The following NUS1 variants were observed in gnomAD, a reference collection of about 807,000 sequenced individuals.
NUS1 encodes dehydrodolichyl diphosphate synthase complex subunit NUS1.
For missense variants in NUS1, 292 were observed against 382.9 expected, an observed-to-expected ratio of 0.76 and a Z score of 1.98; for synonymous variants, 135 against 155.2, an observed-to-expected ratio of 0.87 and a Z score of 0.97.
At chr6:117,703,542 CTG>C (rs146116464) in intron 3 of NUS1, 61 bp from the exon 4 acceptor site, 7,341 of 1,017,688 alleles carry the variant, frequency 7.2e-3, no homozygotes, top group Non-Finnish European at 8.0e-3. Context: ...CTGTGTGTTT[CTG>C]TGTGTGTGTG....
chr6:117,697,645 C>T (rs1773339662), intron 3 of NUS1, among the ~76,000 whole-genome samples: 1 of 151,374 alleles, frequency 6.6e-6, no homozygotes, highest in African/African-American at 2.4e-5. Flanking sequence ...ATTGGAGAAC[C>T]CAGATATATA....
intron 3 of NUS1, among the ~76,000 whole-genome samples, chr6:117,701,248 T>C (rs1269368456): frequency 1.4e-5 from 2 of 145,194 alleles, no homozygotes; most frequent in Non-Finnish European, 3.0e-5. Flanking sequence ...TAATTTTCTT[T>C]TTTTTTTTTT....
Position 117,710,111 on chromosome 6 carries a change from A to T in NUS1, c.*3096A>T, listed in dbSNP as rs1197782620. 6.6e-6 allele frequency: 1 copy of T among 152,150 alleles called. No homozygotes were observed. 9.4% of individuals were successfully genotyped at this position (152,150 alleles called of 1,614,324 possible). On this transcript the variant is annotated 3_prime_UTR_variant, in exon 5 of 5. Coordinates refer to ENST00000368494, the MANE Select transcript of NUS1 (RefSeq NM_138459.5). Reference sequence around the variant, plus strand: ...TATGAAATTTCCAAATTAAAAACGTATATGTGTACTCTTTTAAAAAGGAAT... The same window carrying T: ...TATGAAATTTCCAAATTAAAAACGTTTATGTGTACTCTTTTAAAAAGGAAT...
In NUS1 at chr6:117,686,115, G is replaced by A. The variant is rs564499407; in HGVS notation, c.416-6927G>A. 3.3e-5 allele frequency among the ~76,000 whole-genome samples: 5 copies of A among 151,704 alleles called. No individual in the cohort carries two copies. In the East Asian group the frequency reaches 7.8e-4, roughly 24 times the overall value. On this transcript the variant is annotated intron_variant, in intron 1 of 4. Transcript: ENST00000368494. ...TCTCTACTAAAAATACAAAAAATTA[G>A]CCGGGCGTGGTGGTGGGCGCCTATA...
chr6:117,679,935 C>T (rs190093070), intron 1 of NUS1, among the ~76,000 whole-genome samples: 8 of 152,202 alleles, frequency 5.3e-5, no homozygotes, highest in Admixed American at 2.0e-4. Context: ...GGGAGATGGA[C>T]GGGCAGCCAC....
chr6:117,692,881 G>A (rs1270725186), intron 1 of NUS1, among the ~76,000 whole-genome samples, 161 bp from the exon 2 acceptor site: 1 of 151,924 alleles, frequency 6.6e-6, no homozygotes, highest in Admixed American at 6.6e-5. Context: ...ACAAAGTTTT[G>A]TTGTCATGTT....
rs941497692 is a variant in NUS1 at position 117,708,994 on chromosome 6, A to G, written c.*1979A>G. On this transcript the variant is annotated 3_prime_UTR_variant, in exon 5 of 5. Coordinates refer to ENST00000368494, the MANE Select transcript of NUS1 (RefSeq NM_138459.5). ...CTTTTATTTTCTCCTTCCATTCATA[A>G]GTATATACTTGAAAGTACATCTGTA... 1.3e-5 allele frequency: 2 copies of G among 152,172 alleles called. No individual in the cohort carries two copies. Among genetic ancestry groups the G allele is most frequent in the African/African-American group, 4.8e-5 (2 of 41,452 alleles). The allele number at this position is 152,172 out of a possible 1,614,324, so 9.4% of individuals were successfully genotyped here.
intron 4 of NUS1, 139 bp from the exon 5 acceptor site, chr6:117,706,786 G>A (rs114028127): frequency 3.3e-5 from 21 of 644,256 alleles, no homozygotes; most frequent in South Asian, 8.5e-5. Flanking sequence ...GACATTTTCC[G>A]TGCCTGTCAT....
At chr6:117,706,481 C>T (rs1476338863) in intron 4 of NUS1, among the ~76,000 whole-genome samples, 1 of 152,070 alleles carries the variant, frequency 6.6e-6, no homozygotes, top group Non-Finnish European at 1.5e-5. Context: ...AGTTATGAAT[C>T]TCTCATTACT....
chr6:117,697,107 G>A (rs1479709279), intron 3 of NUS1, among the ~76,000 whole-genome samples: 2 of 151,972 alleles, frequency 1.3e-5, no homozygotes, highest in Non-Finnish European at 2.9e-5. Context: ...AATGGGTTAT[G>A]ACAGATAGTA....
chr6:117,683,340 C>T (rs967705670), intron 1 of NUS1, among the ~76,000 whole-genome samples: 6 of 152,150 alleles, frequency 3.9e-5, no homozygotes, highest in African/African-American at 1.4e-4. Context: ...AATAAAATAG[C>T]TTAATGGCCT....
chr6:117,685,568 T>C (rs1164273643), intron 1 of NUS1, among the ~76,000 whole-genome samples: 1 of 152,070 alleles, frequency 6.6e-6, no homozygotes. Flanking sequence ...CTCAGGCTGG[T>C]GTCAAATTCC....
Position 117,708,138 on chromosome 6 carries a change from C to CT in NUS1, c.*1126dup, listed in dbSNP as rs1291817781. On this transcript the variant is annotated 3_prime_UTR_variant, in exon 5 of 5. Transcript: ENST00000368494. ...CTGATGGTTACTGTGTGTAAAATATCTTTAAGTAGGATTGAAGGCCTCTGT... is the reference window on the plus strand; with the variant it reads ...CTGATGGTTACTGTGTGTAAAATATCTTTTAAGTAGGATTGAAGGCCTCTGT... The CT allele has an allele frequency of 1.6e-4, 25 of 152,692 alleles. No individual in the cohort carries two copies. Among genetic ancestry groups the CT allele is most frequent in the South Asian group, 1.5e-3 (7 of 4,826 alleles). The allele number at this position is 152,692 out of a possible 1,614,324, so 9.5% of individuals were successfully genotyped here.
intron 3 of NUS1, among the ~76,000 whole-genome samples, chr6:117,698,041 A>G (rs1773346815): frequency 6.6e-6 from 1 of 152,078 alleles, no homozygotes; most frequent in Non-Finnish European, 1.5e-5. Context: ...ACTAATCAGT[A>G]TGCTCCTGGA....
intron 2 of NUS1, 93 bp downstream of exon 2, chr6:117,693,260 A>C (rs1773268713): frequency 1.6e-6 from 2 of 1,266,720 alleles, no homozygotes; most frequent in Non-Finnish European, 2.3e-6. Context: ...TTATTCATTC[A>C]CGTTGCTCTG....
intron 3 of NUS1, among the ~76,000 whole-genome samples, chr6:117,702,078 T>C (rs1773419498): frequency 6.6e-6 from 1 of 152,208 alleles, no homozygotes; most frequent in African/African-American, 2.4e-5. Flanking sequence ...TCCTAGTATG[T>C]ATGTTATTTC....
intron 4 of NUS1, among the ~76,000 whole-genome samples, chr6:117,703,982 A>T: frequency 6.6e-6 from 1 of 152,192 alleles, no homozygotes; most frequent in East Asian, 1.9e-4. Flanking sequence ...GCAGATACAT[A>T]AAATGGGTAG....
intron 3 of NUS1, among the ~76,000 whole-genome samples, chr6:117,694,450 A>C (rs1344034119): frequency 1.3e-5 from 2 of 151,984 alleles, no homozygotes; most frequent in Non-Finnish European, 2.9e-5. Flanking sequence ...GTAGTGATGA[A>C]TATTCTTGAA....
chr6:117,683,573 T>C (rs558127345), intron 1 of NUS1, among the ~76,000 whole-genome samples: 4 of 152,204 alleles, frequency 2.6e-5, no homozygotes, highest in East Asian at 1.9e-4. Context: ...TATTTATAAA[T>C]AGAGATTACT....
Sources: allele counts gnomAD v4.1 joint callset (sites outside exome capture counted in the v4.1 genomes callset), GRCh38; gene constraint gnomAD v4.1.1; transcripts MANE v1.5; gene names NCBI Gene and HGNC (gene_info 2026-07-23, HGNC 2026-07-21).